KCNH5: variants seen among roughly 807,000 people sequenced by gnomAD.
KCNH5 encodes the protein potassium voltage-gated channel subfamily H member 5.
A neutral mutation model predicts 96.1 loss-of-function variants in KCNH5; 46 were observed. The ratio of observed to expected loss-of-function variants is 0.48; its 90% CI spans 0.38 to 0.61. KCNH5 has a LOEUF of 0.61. KCNH5 is among the 20% of genes least tolerant of loss of function. KCNH5 has a pLI of 0.00. For synonymous variants in KCNH5, 439 were observed against 449.8 expected, an observed-to-expected ratio of 0.98 and a Z score of 0.30; for missense variants, 907 against 1,225.8, an observed-to-expected ratio of 0.74 and a Z score of 3.88.
At chr14:63,000,545 T>C (rs2139590193) in intron 4 of KCNH5, among the ~76,000 whole-genome samples, 1 of 152,282 alleles carries the variant, frequency 6.6e-6, no homozygotes, top group South Asian at 2.1e-4. Flanking sequence ...GAAGACAAAA[T>C]TATTCTTTCC....
At chr14:62,818,536 T>C (rs1393318458) in intron 8 of KCNH5, among the ~76,000 whole-genome samples, 1 of 152,136 alleles carries the variant, frequency 6.6e-6, no homozygotes, top group African/African-American at 2.4e-5. Flanking sequence ...GAAGAACATG[T>C]AGAACATCCA....
At chr14:62,862,904 C>T (rs1888066019) in intron 7 of KCNH5, among the ~76,000 whole-genome samples, 1 of 152,118 alleles carries the variant, frequency 6.6e-6, no homozygotes, top group African/African-American at 2.4e-5. Flanking sequence ...ATTTAGGTCA[C>T]TTTGGAGTCA....
intron 6 of KCNH5, among the ~76,000 whole-genome samples, chr14:62,973,548 T>C (rs1363287427): frequency 2.6e-5 from 4 of 152,274 alleles, no homozygotes; most frequent in Non-Finnish European, 4.4e-5. Flanking sequence ...CCTTCCACCA[T>C]GTGAGGACAG....
chr14:62,749,911 G>T (rs1463185434), intron 10 of KCNH5, among the ~76,000 whole-genome samples: 4 of 152,092 alleles, frequency 2.6e-5, no homozygotes, highest in Admixed American at 6.5e-5. Flanking sequence ...GTGAAAGATG[G>T]GCCATTATTG....
At chr14:62,876,961 A>C (rs1174434644) in intron 7 of KCNH5, among the ~76,000 whole-genome samples, 1 of 152,220 alleles carries the variant, frequency 6.6e-6, no homozygotes. Flanking sequence ...TAAAGCTAGA[A>C]ATTTCTAAAA....
intron 10 of KCNH5, among the ~76,000 whole-genome samples, chr14:62,766,324 G>T (rs1000474523): frequency 6.6e-6 from 1 of 152,120 alleles, no homozygotes; most frequent in African/African-American, 2.4e-5. Context: ...TCCCACTGCT[G>T]GGTATATACC....
Position 62,950,610 on chromosome 14 carries a change from A to T in KCNH5, c.943-51T>A. 3 of 1,444,632 alleles carry T rather than the reference A, an allele frequency of 2.1e-6. No homozygotes were observed. The South Asian group carries it at 4.2e-5, about 20-fold the overall frequency. The allele number at this position is 1,444,632 out of a possible 1,614,324, so 89.5% of individuals were successfully genotyped here. A position where few individuals can be genotyped will look rare whatever the true frequency, so the allele number is the denominator to read the frequency against. On this transcript the variant is annotated intron_variant, in intron 6 of 10. Transcript: ENST00000322893. Reference sequence around the variant, plus strand: ...TACACCACATTTTCAGGAAAAAAAAAGGCTGGGGAAACAATACAATGGCTC... The same window carrying T: ...TACACCACATTTTCAGGAAAAAAAATGGCTGGGGAAACAATACAATGGCTC...
chr14:62,949,499 C>CA (rs1205200231), intron 7 of KCNH5, among the ~76,000 whole-genome samples: 3 of 152,190 alleles, frequency 2.0e-5, no homozygotes, highest in East Asian at 3.9e-4. Context: ...GTGCAGAGCA[C>CA]ATGGTCTTTG....
chr14:62,812,962 A>G (rs1458915438), intron 8 of KCNH5, among the ~76,000 whole-genome samples: 1 of 152,136 alleles, frequency 6.6e-6, no homozygotes, highest in Non-Finnish European at 1.5e-5. Context: ...TGGCACAATT[A>G]ATTTAACCAT....
chr14:63,045,092 T>G, intron 1 of KCNH5, 22 bp downstream of exon 1: 1 of 1,602,284 alleles, frequency 6.2e-7, no homozygotes, highest in African/African-American at 1.3e-5. Flanking sequence ...GTGGGGGTGT[T>G]CTGAACTACA....
At chr14:62,806,085 C>T (rs1473933917) in intron 8 of KCNH5, among the ~76,000 whole-genome samples, 2 of 152,102 alleles carry the variant, frequency 1.3e-5, no homozygotes, top group African/African-American at 2.4e-5. Flanking sequence ...AAGATGGCCA[C>T]GGAGTGACCT....
chr14:62,773,568 C>T (rs1183226839), intron 10 of KCNH5, among the ~76,000 whole-genome samples: 1 of 152,044 alleles, frequency 6.6e-6, no homozygotes, highest in African/African-American at 2.4e-5. Flanking sequence ...GTGAGCCAGC[C>T]AATACTTTCT....
chr14:62,756,368 T>C (rs770168455), intron 10 of KCNH5, among the ~76,000 whole-genome samples: 35 of 152,148 alleles, frequency 2.3e-4, no homozygotes, highest in Middle Eastern at 3.4e-3. Flanking sequence ...AAAATGTCCA[T>C]ACTACTGAAA....
intron 10 of KCNH5, among the ~76,000 whole-genome samples, chr14:62,760,032 T>C (rs1441429522): frequency 6.6e-6 from 1 of 152,124 alleles, no homozygotes; most frequent in Non-Finnish European, 1.5e-5. Context: ...GACTCTCAGG[T>C]ACAAACATGT....
At chr14:62,971,518 T>C (rs1318471120) in intron 6 of KCNH5, among the ~76,000 whole-genome samples, 2 of 152,086 alleles carry the variant, frequency 1.3e-5, no homozygotes, top group East Asian at 1.9e-4. Flanking sequence ...CTAAAGCTTA[T>C]ATAGACAGGC....
intron 8 of KCNH5, among the ~76,000 whole-genome samples, chr14:62,830,940 G>A (rs922518726): frequency 2.2e-4 from 34 of 151,852 alleles, no homozygotes; most frequent in African/African-American, 7.0e-4. Flanking sequence ...TCCCTTCCTC[G>A]CTAAGCTTCC....
At chr14:62,801,528 G>GCGTAT (rs1390659953) in intron 9 of KCNH5, among the ~76,000 whole-genome samples, 2 of 95,174 alleles carry the variant, frequency 2.1e-5, no homozygotes, top group Non-Finnish European at 4.0e-5. Flanking sequence ...TTTTTGCCAA[G>GCGTAT]CGTATATCCT....
At chr14:62,917,495 G>A (rs1405358628) in intron 7 of KCNH5, among the ~76,000 whole-genome samples, 1 of 151,960 alleles carries the variant, frequency 6.6e-6, no homozygotes, top group East Asian at 1.9e-4. Context: ...CTGACCTGAA[G>A]ACTGAAAGTG....
chr14:63,000,689 T>C (rs1890993269), intron 4 of KCNH5, among the ~76,000 whole-genome samples: 1 of 152,178 alleles, frequency 6.6e-6, no homozygotes, highest in Non-Finnish European at 1.5e-5. Context: ...TCTAGTTAGA[T>C]TTCACCCAAA....
Sources: allele counts gnomAD v4.1 joint callset (sites outside exome capture counted in the v4.1 genomes callset), GRCh38; gene constraint gnomAD v4.1.1; transcripts MANE v1.5; gene names NCBI Gene and HGNC (gene_info 2026-07-23, HGNC 2026-07-21).